Variants in CDKL5 observed in about 807,000 individuals in gnomAD.
The protein encoded by CDKL5 is cyclin dependent kinase like 5.
Under a neutral mutation model 61.7 loss-of-function variants are expected in CDKL5, and 8 were observed. That is an observed-to-expected ratio of 0.13 (90% CI 0.08 to 0.23). The LOEUF (loss-of-function observed/expected upper bound fraction) is 0.23, where lower values mean the gene tolerates loss of function less well. Ranked by LOEUF, CDKL5 falls within the 10% of genes least tolerant of loss-of-function variation. The probability of loss-of-function intolerance (pLI) is 1.00; values close to 1 mark genes in which losing one functional copy is unlikely to be tolerated. For synonymous variants in CDKL5, 275 were observed against 272.3 expected (o/e 1.01, Z -0.10); for missense variants, 440 against 734.5 (o/e 0.60, Z 4.63).
At chrX:18,600,396 G>C (rs1394813360) in intron 11 of CDKL5, among the ~76,000 whole-genome samples, 1 of 111,527 alleles carries the variant, frequency 9.0e-6, no homozygotes, top group Admixed American at 9.6e-5. Context: ...TTGCATTTAG[G>C]GGGTGCAAAT....
At chrX:18,450,600 G>GTTTTGCTC (rs1482670356) in intron 1 of CDKL5, among the ~76,000 whole-genome samples, 2 of 111,196 alleles carry the variant, frequency 1.8e-5, no homozygotes. Context: ...TTGAGACAGA[G>GTTTTGCTC]TTTTGCTCTT....
Position 18,597,591 on chromosome X carries a change from A to ATTT in CDKL5, c.826-848_826-846dup, listed in dbSNP as rs58993237. 2.8e-3 allele frequency among the ~76,000 whole-genome samples: 202 copies of ATTT among 72,765 alleles called. 4 individuals are homozygous for ATTT. Among genetic ancestry groups the ATTT allele is most frequent in the East Asian group, 6.2e-3 (12 of 1,947 alleles). 63.2% of individuals were successfully genotyped at this position (72,765 alleles called of 115,157 possible). A position where few individuals can be genotyped will look rare whatever the true frequency, so the allele number is the denominator to read the frequency against. On this transcript the variant is annotated intron_variant, in intron 10 of 17. Coordinates refer to ENST00000623535, the MANE Select transcript of CDKL5 (RefSeq NM_001323289.2). ...TGAGGCTCTTTGCTGCTACAGAATG[A>ATTT]TTTTTTTTTTTTTTTTTTTTTTTTT...
At position 18,608,803 on chromosome X, in the gene CDKL5, A is replaced by C. The variant is rs2147164149; in HGVS notation, c.1945-8A>C. The stretch of plus-strand genomic sequence containing the variant: ...GCTCTTATAAATCCTTTTAAATTTT[A>C]CTTCCAGCCTGGAGAACAGCTCCCT... On this transcript the variant is annotated splice_region_variant and splice_polypyrimidine_tract_variant and intron_variant, in intron 12 of 17. Transcript: ENST00000623535. The C allele has an allele frequency of 1.7e-6, 2 of 1,173,288 alleles. No individual in the cohort carries two copies. The highest frequency in any genetic ancestry group is 1.8e-5 in the African/African-American group (1 of 56,992).
At chrX:18,650,710 C>T in intron 21 of CDKL5, 1 of 864,209 alleles carries the variant, frequency 1.2e-6, no homozygotes, top group Non-Finnish European at 1.7e-6. Context: ...CATCATTGGC[C>T]TGGGCATGGG....
chrX:18,484,132 A>G lies in CDKL5; in HGVS notation c.-162-22803A>G, dbSNP rs774945313. ...TGAATGTGTAGGGTTTATTCTCTCT[A>G]TCAGATTCTGGATTCCCTGAAAACA... is the stretch of plus-strand genomic sequence containing the variant. On this transcript the variant is annotated intron_variant, in intron 1 of 17. Coordinates refer to ENST00000623535, the MANE Select transcript of CDKL5 (RefSeq NM_001323289.2). 4.5e-5 allele frequency among the ~76,000 whole-genome samples: 5 copies of G among 111,885 alleles called. No homozygotes were observed. In the East Asian group the frequency reaches 8.5e-4, roughly 19 times the overall value.
chrX:18,438,574 A>G (rs1376201858), intron 1 of CDKL5, among the ~76,000 whole-genome samples: 1 of 106,392 alleles, frequency 9.4e-6, no homozygotes, highest in Non-Finnish European at 1.9e-5. Context: ...GTGGATCACG[A>G]GGTCAGGAGT....
At chrX:18,607,539 T>C (rs956552707) in intron 12 of CDKL5, among the ~76,000 whole-genome samples, 1 of 112,447 alleles carries the variant, frequency 8.9e-6, no homozygotes, top group African/African-American at 3.2e-5. Flanking sequence ...AAACGAATTA[T>C]AAACAGTTAC....
In CDKL5 at chrX:18,630,483, G is replaced by A; in HGVS notation, c.*1726G>A. 1.3e-6 allele frequency: 1 copy of A among 752,876 alleles called. No individual in the cohort carries two copies. The highest frequency in any genetic ancestry group is 6.8e-5 in the South Asian group (1 of 14,727). 62.0% of individuals were successfully genotyped at this position (752,876 alleles called of 1,213,427 possible). A position where few individuals can be genotyped will look rare whatever the true frequency, so the allele number is the denominator to read the frequency against. On this transcript the variant is annotated 3_prime_UTR_variant, in exon 18 of 18. Transcript: ENST00000623535. ...TTCTGAGTGTCAGCCCCTGCATCAA[G>A]TCAGCTATGATCAAAATGTGCTGTT...
Position 18,582,957 on chromosome X carries a change from T to G in CDKL5, c.463+1007T>G, listed in dbSNP as rs182749604. 2.1e-4 allele frequency among the ~76,000 whole-genome samples: 24 copies of G among 111,866 alleles called. No individual in the cohort carries two copies. In the East Asian group the frequency reaches 6.7e-3, roughly 31 times the overall value. The stretch of plus-strand genomic sequence containing the variant: ...ATATTTTATGATAAGGAATGATATG[T>G]AAAAGAGTCTGTGTCCTAAATTTAT... On this transcript the variant is annotated intron_variant, in intron 7 of 17. Coordinates refer to ENST00000623535, the MANE Select transcript of CDKL5 (RefSeq NM_001323289.2).
intron 15 of CDKL5, among the ~76,000 whole-genome samples, chrX:18,617,731 C>T (rs919948099): frequency 1.8e-5 from 2 of 111,980 alleles, no homozygotes; most frequent in African/African-American, 6.5e-5. Context: ...ACACACGCTT[C>T]GCTCCTAGTT....
intron 3 of CDKL5, among the ~76,000 whole-genome samples, chrX:18,561,013 G>T (rs189225554): frequency 9.0e-6 from 1 of 111,049 alleles, no homozygotes; most frequent in African/African-American, 3.3e-5. Flanking sequence ...CTTTATGTTA[G>T]AAAATGGCAG....
rs183898024 is a variant in CDKL5, at chrX:18,629,635, G to T, written c.*878G>T. On this transcript the variant is annotated 3_prime_UTR_variant, in exon 18 of 18. Transcript: ENST00000623535. ...AACAGTATGAACCTTGCTCAACTTT[G>T]AGGCCCCAGCAGTAGCCTCTAGACA... 4.4e-3 allele frequency: 3,294 copies of T among 752,165 alleles called. 13 individuals carry two copies. The highest frequency in any genetic ancestry group is 0.015 in the Middle Eastern group (20 of 1,321). The allele number at this position is 752,165 out of a possible 1,213,427, so 62.0% of individuals were successfully genotyped here. A position where few individuals can be genotyped will look rare whatever the true frequency, so the allele number is the denominator to read the frequency against.
intron 3 of CDKL5, among the ~76,000 whole-genome samples, chrX:18,522,700 T>G (rs1038455851): frequency 1.8e-5 from 2 of 110,726 alleles, no homozygotes; most frequent in African/African-American, 6.6e-5. Context: ...TTTTTAAAGA[T>G]TTTTTTAAGC....
chrX:18,623,468 A>AT (rs1365067964), intron 16 of CDKL5, among the ~76,000 whole-genome samples: 4 of 111,842 alleles, frequency 3.6e-5, no homozygotes, highest in African/African-American at 9.7e-5. Flanking sequence ...TACATGGTAG[A>AT]TTTTTTACTT....
chrX:18,524,168 A>G (rs1324138344), intron 3 of CDKL5, among the ~76,000 whole-genome samples: 1 of 111,700 alleles, frequency 9.0e-6, no homozygotes, highest in East Asian at 2.8e-4. Context: ...CCTGATCTTG[A>G]GAGGAGGGGT....
chrX:18,625,399 A>C (rs1927010420), intron 17 of CDKL5, 152 bp downstream of exon 17: 1 of 575,876 alleles, frequency 1.7e-6, no homozygotes, highest in Non-Finnish European at 2.8e-6. Flanking sequence ...AGCCAGATGC[A>C]TCTCGTGAGC....
At chrX:18,431,370 G>A (rs948228901) in intron 1 of CDKL5, among the ~76,000 whole-genome samples, 9 of 111,228 alleles carry the variant, frequency 8.1e-5, no homozygotes, top group African/African-American at 2.9e-4. Context: ...GCCAAAGCAG[G>A]ACCATATTTC....
At chrX:18,553,229 G>T (rs1218231270) in intron 3 of CDKL5, among the ~76,000 whole-genome samples, 1 of 111,215 alleles carries the variant, frequency 9.0e-6, no homozygotes, top group Non-Finnish European at 1.9e-5. Flanking sequence ...AGATATATGG[G>T]ACAGGAGACA....
intron 1 of CDKL5, among the ~76,000 whole-genome samples, chrX:18,430,541 T>G (rs1033508047): frequency 9.0e-5 from 10 of 111,509 alleles, no homozygotes; most frequent in Non-Finnish European, 1.5e-4. Context: ...TCTCCTGGGT[T>G]CAAACGATTC....
Sources: gnomAD v4.1 joint callset for allele counts (sites outside exome capture counted in the v4.1 genomes callset) on GRCh38, gnomAD v4.1.1 for gene constraint, MANE v1.5 for transcripts, NCBI Gene and HGNC (gene_info 2026-07-23, HGNC 2026-07-21) for gene names.